The following SEC24B variants were observed in gnomAD, a reference collection of about 807,000 sequenced individuals.
SEC24B encodes the protein SEC24 homolog B, COPII component, also known as protein transport protein Sec24B.
A neutral mutation model predicts 142.8 loss-of-function variants in SEC24B; 45 were observed. That is an observed-to-expected ratio of 0.32 (90% confidence interval 0.25 to 0.40). The LOEUF (loss-of-function observed/expected upper bound fraction) is 0.40. Among genes scored for constraint, SEC24B ranks in the 10% least tolerant of loss-of-function variants. SEC24B has a pLI of 1.00. For synonymous variants in SEC24B, 574 were observed against 568.2 expected (o/e 1.01, Z -0.15); for missense variants, 1,409 against 1,526.8 (o/e 0.92, Z 1.29).
At chr4:109,473,606 C>T (rs1392603735) in intron 3 of SEC24B, among the ~76,000 whole-genome samples, 1 of 152,082 alleles carries the variant, frequency 6.6e-6, no homozygotes, top group Non-Finnish European at 1.5e-5. Context: ...TAAGCTTTGA[C>T]AGAATTTTGC....
intron 6 of SEC24B, among the ~76,000 whole-genome samples, chr4:109,498,790 G>C (rs761035239): frequency 4.6e-5 from 7 of 152,016 alleles, no homozygotes; most frequent in Non-Finnish European, 1.0e-4. Flanking sequence ...AAAGAGCTCT[G>C]TGTAAGGGCT....
At chr4:109,532,500 A>G in intron 20 of SEC24B, 139 bp from the exon 21 acceptor site, 1 of 635,228 alleles carries the variant, frequency 1.6e-6, no homozygotes, top group Middle Eastern at 4.4e-4. Context: ...AGGTGGTAGC[A>G]TATAATCAGT....
chr4:109,509,860 TA>T (rs1415002690), intron 7 of SEC24B, 148 bp from the exon 8 acceptor site: 1 of 499,810 alleles, frequency 2.0e-6, no homozygotes, highest in Non-Finnish European at 3.5e-6. Flanking sequence ...CATACATGCC[TA>T]ATTAATCAGG....
intron 11 of SEC24B, among the ~76,000 whole-genome samples, chr4:109,516,930 C>T (rs1002683315): frequency 8.6e-5 from 13 of 151,930 alleles, no homozygotes; most frequent in Admixed American, 7.9e-4. Context: ...TTGAGTTAGC[C>T]AGTATATCGG....
chr4:109,501,181 A>G (rs974577051), intron 6 of SEC24B, among the ~76,000 whole-genome samples: 1 of 152,166 alleles, frequency 6.6e-6, no homozygotes, highest in Admixed American at 6.5e-5. Flanking sequence ...CTATGTTTAG[A>G]TATACAAATA....
intron 10 of SEC24B, among the ~76,000 whole-genome samples, chr4:109,515,678 A>G (rs1722769757): frequency 6.6e-6 from 1 of 152,186 alleles, no homozygotes; most frequent in Admixed American, 6.5e-5. Flanking sequence ...CAAAGAAAAC[A>G]GTATAATGAG....
intron 17 of SEC24B, 90 bp from the exon 18 acceptor site, chr4:109,527,232 A>T: frequency 9.0e-6 from 8 of 890,818 alleles, no homozygotes; most frequent in Non-Finnish European, 1.2e-5. Context: ...AAAAAAAAAA[A>T]GAAAGAAAGA....
intron 1 of SEC24B, among the ~76,000 whole-genome samples, chr4:109,439,474 A>ATTTTTTTTTTTTT (rs70949077): frequency 6.8e-5 from 3 of 43,972 alleles, no homozygotes; most frequent in Non-Finnish European, 1.2e-4. Context: ...TCCTAAGCTG[A>ATTTTTTTTTTTTT]TTTTTTTTTT....
intron 11 of SEC24B, 42 bp downstream of exon 11, chr4:109,516,682 A>G (rs1722968341): frequency 2.7e-6 from 3 of 1,096,648 alleles, no homozygotes; most frequent in Non-Finnish European, 4.0e-6. Context: ...TGTGTATGTT[A>G]TATATATAAA....
In SEC24B at chr4:109,532,759, T is replaced by C; in HGVS notation, c.3495+16T>C. On this transcript the variant is annotated intron_variant, in intron 21 of 23. Transcript: ENST00000265175. ...CTGTGGCTCTGTAAGCACCCTTTAC[T>C]GGCAAAGCTTAACACTGTTTGAGCT... 1 of 1,272,558 alleles carries C rather than the reference T, an allele frequency of 7.9e-7. No individual in the cohort carries two copies. The allele number at this position is 1,272,558 out of a possible 1,614,324, so 78.8% of individuals were successfully genotyped here.
intron 1 of SEC24B, 52 bp from the exon 2 acceptor site, chr4:109,462,849 T>C (rs1731414723): frequency 1.4e-6 from 2 of 1,384,872 alleles, no homozygotes; most frequent in Non-Finnish European, 2.0e-6. Flanking sequence ...GGGGGCTATT[T>C]TTAAAAATTA....
chr4:109,516,967 CAA>C (rs1219027251), intron 11 of SEC24B, among the ~76,000 whole-genome samples: 7 of 151,990 alleles, frequency 4.6e-5, no homozygotes, highest in Admixed American at 2.0e-4. Context: ...ATCAAAAAGA[CAA>C]AAGATAACAT....
intron 18 of SEC24B, 94 bp downstream of exon 18, chr4:109,527,526 A>G: frequency 3.3e-6 from 3 of 905,280 alleles, no homozygotes; most frequent in South Asian, 3.0e-5. Flanking sequence ...TAATCCCAGC[A>G]TTTTGGGAGG....
chr4:109,457,897 T>G (rs555500593), intron 1 of SEC24B, among the ~76,000 whole-genome samples: 2 of 152,356 alleles, frequency 1.3e-5, no homozygotes, highest in African/African-American at 4.8e-5. Flanking sequence ...ATCTTTAACC[T>G]AAGCATGTCT....
chr4:109,521,014 C>G, intron 12 of SEC24B, 103 bp from the exon 13 acceptor site: 1 of 721,314 alleles, frequency 1.4e-6, no homozygotes, highest in South Asian at 1.6e-5. Flanking sequence ...TAAAATAAAG[C>G]AAAATTATAG....
At chr4:109,482,936 C>CTATATA (rs775978447) in intron 4 of SEC24B, among the ~76,000 whole-genome samples, 33 of 34,604 alleles carry the variant, frequency 9.5e-4, no homozygotes, top group South Asian at 1.4e-3. Context: ...CAGGCTTGTA[C>CTATATA]TATATATATA....
intron 1 of SEC24B, among the ~76,000 whole-genome samples, chr4:109,455,922 C>T (rs1730620543): frequency 6.6e-6 from 1 of 152,080 alleles, no homozygotes; most frequent in Non-Finnish European, 1.5e-5. Flanking sequence ...CAAAAAAAAC[C>T]TGCTGGTGTT....
chr4:109,517,930 ATT>A (rs1723132028), intron 11 of SEC24B, among the ~76,000 whole-genome samples: 1 of 145,792 alleles, frequency 6.9e-6, no homozygotes, highest in East Asian at 2.0e-4. Context: ...GAAACTGAGC[ATT>A]TTGTTTGTTT....
intron 11 of SEC24B, among the ~76,000 whole-genome samples, chr4:109,517,475 C>T (rs1467421747): frequency 6.6e-6 from 1 of 151,996 alleles, no homozygotes; most frequent in Non-Finnish European, 1.5e-5. Context: ...TTGAGAGATC[C>T]TAGCCAAAGT....
Sources: allele counts gnomAD v4.1 joint callset (sites outside exome capture counted in the v4.1 genomes callset), GRCh38; gene constraint gnomAD v4.1.1; transcripts MANE v1.5; gene names NCBI Gene and HGNC (gene_info 2026-07-23, HGNC 2026-07-21).